CHST9: variants seen among roughly 807,000 people sequenced by gnomAD.
CHST9 encodes GalNAc-4-sulfotransferase 2.
Under a neutral mutation model 44.4 loss-of-function variants are expected in CHST9, and 41 were observed. The ratio of observed to expected loss-of-function variants is 0.92; its 90% CI spans 0.72 to 1.20. The LOEUF is 1.20. CHST9 is among the 50% of genes most tolerant of loss of function. The pLI is 0.00. For missense variants in CHST9, 504 were observed against 516.5 expected (o/e 0.98, Z 0.23); for synonymous variants, 171 against 178.4 (o/e 0.96, Z 0.33).
At chr18:26,948,661 C>A (rs1256221893) in intron 4 of CHST9, among the ~76,000 whole-genome samples, 2 of 152,208 alleles carry the variant, frequency 1.3e-5, no homozygotes, top group East Asian at 1.9e-4. Flanking sequence ...GCAGCTCTGA[C>A]AATTACTAGG....
chr18:27,097,236 G>T (rs1453591354), intron 2 of CHST9, among the ~76,000 whole-genome samples: 1 of 151,674 alleles, frequency 6.6e-6, no homozygotes, highest in Non-Finnish European at 1.5e-5. Flanking sequence ...AGACATTGAA[G>T]GAGCATATAT....
chr18:27,098,936 C>G (rs1254378819), intron 2 of CHST9, among the ~76,000 whole-genome samples: 2 of 151,920 alleles, frequency 1.3e-5, no homozygotes, highest in African/African-American at 4.8e-5. Context: ...TCACATTACT[C>G]AACTTTGAAC....
chr18:26,948,271 T>C (rs1224136064), intron 4 of CHST9, among the ~76,000 whole-genome samples: 2 of 152,048 alleles, frequency 1.3e-5, no homozygotes, highest in Admixed American at 1.3e-4. Context: ...AGGGGAGTGA[T>C]AGCATTAGGA....
chr18:26,978,836 C>T (rs1019329834), intron 4 of CHST9, among the ~76,000 whole-genome samples: 1 of 152,164 alleles, frequency 6.6e-6, no homozygotes, highest in South Asian at 2.1e-4. Flanking sequence ...GGCACTAATG[C>T]ACTGAGTAAA....
At chr18:27,108,333 AC>A (rs1598730161) in intron 2 of CHST9, among the ~76,000 whole-genome samples, 1 of 151,900 alleles carries the variant, frequency 6.6e-6, no homozygotes, top group East Asian at 1.9e-4. Flanking sequence ...ATTCTTTAGG[AC>A]TTTTTATATA....
intron 1 of CHST9, among the ~76,000 whole-genome samples, chr18:27,181,000 A>G (rs961478419): frequency 2.6e-5 from 4 of 152,198 alleles, no homozygotes; most frequent in Admixed American, 6.5e-5. Context: ...CCTACACTTT[A>G]TGTAGTGAGC....
rs1228461003 is a variant in CHST9, at chr18:26,995,430, TCC to T, written c.202+28684_202+28685del. ...TGCAACCCGGGTGACAGAGCGAGAC[TCC>T]GTCTCAAAAAAAAAAAAAAAAAAAA... On this transcript the variant is annotated intron_variant, in intron 4 of 5. Transcript: ENST00000618847. 7.2e-5 allele frequency among the ~76,000 whole-genome samples: 7 copies of T among 96,790 alleles called. No homozygotes were observed. The Admixed American group carries it at 8.9e-4, about 12-fold the overall frequency. The allele number at this position is 96,790 out of a possible 152,430, so 63.5% of individuals were successfully genotyped here.
intron 1 of CHST9, among the ~76,000 whole-genome samples, chr18:27,166,197 T>C (rs763271572): frequency 7.2e-5 from 11 of 152,182 alleles, no homozygotes; most frequent in Non-Finnish European, 1.5e-4. Context: ...AACTCATCTG[T>C]TCTGGTCTCA....
At chr18:27,177,609 C>T (rs997719417) in intron 1 of CHST9, among the ~76,000 whole-genome samples, 3 of 151,950 alleles carry the variant, frequency 2.0e-5, no homozygotes, top group Non-Finnish European at 4.4e-5. Flanking sequence ...CTAACAGAGC[C>T]TTCTGAAATT....
At chr18:27,182,312 T>C (rs953160422) in intron 1 of CHST9, among the ~76,000 whole-genome samples, 13 of 120,192 alleles carry the variant, frequency 1.1e-4, no homozygotes, top group African/African-American at 2.8e-4. Flanking sequence ...TTTGGGTTTA[T>C]TCTGTCCAAA....
chr18:26,984,728 A>C (rs1406467404), intron 4 of CHST9, among the ~76,000 whole-genome samples: 2 of 143,838 alleles, frequency 1.4e-5, no homozygotes, highest in Non-Finnish European at 3.0e-5. Flanking sequence ...TTACCAAAAG[A>C]CAAAAAAAAA....
At chr18:27,162,291 T>C (rs1011255337) in intron 1 of CHST9, among the ~76,000 whole-genome samples, 2 of 152,072 alleles carry the variant, frequency 1.3e-5, no homozygotes, top group Non-Finnish European at 2.9e-5. Context: ...GGAGCTCTTT[T>C]AGGGCAAGCC....
chr18:27,151,213 G>T (rs1205498085), intron 1 of CHST9, among the ~76,000 whole-genome samples: 1 of 151,922 alleles, frequency 6.6e-6, no homozygotes, highest in South Asian at 2.1e-4. Context: ...TTAATACTGT[G>T]TAATTCCTGA....
At chr18:26,996,034 A>G (rs551898062) in intron 4 of CHST9, among the ~76,000 whole-genome samples, 12 of 152,250 alleles carry the variant, frequency 7.9e-5, no homozygotes, top group Admixed American at 1.3e-4. Flanking sequence ...CAGATTCTTT[A>G]CTCGTTGCTT....
intron 1 of CHST9, among the ~76,000 whole-genome samples, chr18:27,153,103 C>G (rs2058671025): frequency 1.3e-5 from 2 of 152,086 alleles, no homozygotes; most frequent in Non-Finnish European, 2.9e-5. Flanking sequence ...GCTCTAATAT[C>G]CATTCTGCTC....
intron 2 of CHST9, among the ~76,000 whole-genome samples, chr18:27,134,289 A>G (rs1046131026): frequency 1.2e-4 from 19 of 152,330 alleles, no homozygotes; most frequent in Non-Finnish European, 1.9e-4. Context: ...TTGAAAAAAA[A>G]GCAAGATGAA....
At chr18:27,122,669 AGAG>A (rs2058384795) in intron 2 of CHST9, among the ~76,000 whole-genome samples, 1 of 152,226 alleles carries the variant, frequency 6.6e-6, no homozygotes, top group Non-Finnish European at 1.5e-5. Context: ...TGGAGCTGAA[AGAG>A]TGAAGGAGAA....
chr18:26,957,329 T>G (rs8085829), intron 4 of CHST9, among the ~76,000 whole-genome samples: 19,446 of 152,118 alleles, frequency 0.13, 2,798 homozygotes, highest in African/African-American at 0.36. Context: ...AAATGAGTTT[T>G]ATGGAAACTG....
In CHST9 at chr18:26,924,292, G is replaced by T. The variant is rs925646439; in HGVS notation, c.241-6942C>A. Among the ~76,000 whole-genome samples, 84 of 152,242 alleles carry T rather than the reference G, an allele frequency of 5.5e-4. 1 individual carries two copies. The highest frequency in any genetic ancestry group is 1.9e-3 in the African/African-American group (79 of 41,548). ...AGCATAAGGGTGACAGAAGTGTAAAGAATGGCTCCCCATTTCCTCTCTGAG... is the reference window on the plus strand; with the variant it reads ...AGCATAAGGGTGACAGAAGTGTAAATAATGGCTCCCCATTTCCTCTCTGAG... On this transcript the variant is annotated intron_variant, in intron 5 of 5. Coordinates refer to ENST00000618847, the MANE Select transcript of CHST9 (RefSeq NM_031422.6).
Sources: allele counts gnomAD v4.1 joint callset (sites outside exome capture counted in the v4.1 genomes callset), GRCh38; gene constraint gnomAD v4.1.1; transcripts MANE v1.5; gene names NCBI Gene and HGNC (gene_info 2026-07-23, HGNC 2026-07-21).